Variants in PRELID2 observed in about 807,000 individuals in gnomAD.
PRELID2 encodes PRELI domain containing 2, also known as PRELI domain-containing protein 2.
A neutral mutation model predicts 28.4 loss-of-function variants in PRELID2; 25 were observed. The observed-to-expected ratio is 0.88, with a 90% confidence interval of 0.64 to 1.23. The LOEUF (loss-of-function observed/expected upper bound fraction) is 1.23, where lower values mean the gene tolerates loss of function less well. Ranked by LOEUF, PRELID2 falls within the 50% of genes most tolerant of loss-of-function variation. PRELID2 has a pLI of 0.00. For missense variants in PRELID2, 201 were observed against 214.4 expected (o/e 0.94, Z 0.39); for synonymous variants, 76 against 71.6 (o/e 1.06, Z -0.31).
the PRELID2 span, among the ~76,000 whole-genome samples, chr5:145,270,936 T>C: frequency 6.6e-6 from 1 of 152,076 alleles, no homozygotes; most frequent in Non-Finnish European, 1.5e-5. Flanking sequence ...TCCCCATGGC[T>C]GGGGGAGGCC....
intron 1 of PRELID2, among the ~76,000 whole-genome samples, chr5:145,615,514 G>C (rs1753685090): frequency 7.6e-6 from 1 of 131,202 alleles, no homozygotes; most frequent in Non-Finnish European, 1.6e-5. Flanking sequence ...TTTTAGTAGA[G>C]ACGGGGTTTC....
At chr5:145,486,446 T>A (rs1752217946) in intron 1 of PRELID2, among the ~76,000 whole-genome samples, 1 of 152,188 alleles carries the variant, frequency 6.6e-6, no homozygotes, top group Non-Finnish European at 1.5e-5. Flanking sequence ...TTTTTCAATG[T>A]AAAATAAAAT....
intron 1 of PRELID2, among the ~76,000 whole-genome samples, chr5:145,745,398 C>T (rs1228000370): frequency 6.6e-6 from 1 of 152,070 alleles, no homozygotes; most frequent in Non-Finnish European, 1.5e-5. Flanking sequence ...AACCTCAAGA[C>T]ACATAATTAT....
At chr5:145,304,115 T>C in the PRELID2 span, among the ~76,000 whole-genome samples, 37 of 152,182 alleles carry the variant, frequency 2.4e-4, 1 homozygote, top group Admixed American at 9.2e-4. Context: ...TTATATCGTT[T>C]ATAAAATATT....
intron 1 of PRELID2, among the ~76,000 whole-genome samples, chr5:145,695,061 C>T (rs543417161): frequency 4.6e-4 from 70 of 152,228 alleles, no homozygotes; most frequent in African/African-American, 1.7e-3. Flanking sequence ...ATGGGTCATG[C>T]CTTACTTTGC....
intron 1 of PRELID2, chr5:145,825,961 G>A: frequency 1.1e-6 from 1 of 918,538 alleles, no homozygotes; most frequent in Non-Finnish European, 1.3e-6. Flanking sequence ...GTTGAAAGAG[G>A]GAAGGCTTCT....
the PRELID2 span, among the ~76,000 whole-genome samples, chr5:145,452,667 C>A: frequency 6.6e-6 from 1 of 151,992 alleles, no homozygotes; most frequent in African/African-American, 2.4e-5. Flanking sequence ...ATCTTTTTAA[C>A]GGTGCTATTT....
the PRELID2 span, chr5:145,229,391 G>T: frequency 1.1e-5 from 8 of 747,818 alleles, no homozygotes; most frequent in East Asian, 2.1e-4. Flanking sequence ...CAGCTACAAG[G>T]CTGGAATCCT....
At chr5:145,336,000 G>C in the PRELID2 span, among the ~76,000 whole-genome samples, 2 of 152,182 alleles carry the variant, frequency 1.3e-5, no homozygotes, top group Non-Finnish European at 2.9e-5. Flanking sequence ...TTGTGGTTTT[G>C]ATTTGCATTT....
the PRELID2 span, among the ~76,000 whole-genome samples, chr5:145,415,746 T>G: frequency 6.6e-6 from 1 of 152,018 alleles, no homozygotes; most frequent in Non-Finnish European, 1.5e-5. Context: ...AACATATGTG[T>G]GCATGTGTCT....
chr5:145,572,433 T>C (rs946024948), intron 1 of PRELID2, among the ~76,000 whole-genome samples: 1 of 152,336 alleles, frequency 6.6e-6, no homozygotes, highest in Middle Eastern at 3.4e-3. Context: ...ATATCTCATA[T>C]AATCCTAACT....
At chr5:145,364,892 A>T in the PRELID2 span, among the ~76,000 whole-genome samples, 1 of 151,984 alleles carries the variant, frequency 6.6e-6, no homozygotes, top group African/African-American at 2.4e-5. Context: ...AAAATTCCCA[A>T]AAGGAAATAT....
the PRELID2 span, among the ~76,000 whole-genome samples, chr5:145,423,870 T>C: frequency 6.8e-6 from 1 of 145,994 alleles, no homozygotes; most frequent in Admixed American, 7.0e-5. Context: ...TGTGGTTTTA[T>C]CTACTTTTGG....
chr5:145,513,215 C>T (rs1293666023), intron 1 of PRELID2, among the ~76,000 whole-genome samples: 1 of 151,674 alleles, frequency 6.6e-6, no homozygotes, highest in Non-Finnish European at 1.5e-5. Flanking sequence ...TGTTCTAACC[C>T]AATGGAAGGA....
At chr5:145,667,907 A>G (rs1186657264) in intron 1 of PRELID2, among the ~76,000 whole-genome samples, 1 of 152,118 alleles carries the variant, frequency 6.6e-6, no homozygotes, top group Non-Finnish European at 1.5e-5. Flanking sequence ...TATTCAAAAG[A>G]AAGCACAATT....
At chr5:145,275,619 C>A in the PRELID2 span, among the ~76,000 whole-genome samples, 1 of 152,090 alleles carries the variant, frequency 6.6e-6, no homozygotes, top group Admixed American at 6.6e-5. Flanking sequence ...GGATGTCAGA[C>A]CATTTGGAGA....
At chr5:145,818,276 T>C (rs1581266263) in intron 3 of PRELID2, among the ~76,000 whole-genome samples, 1 of 152,186 alleles carries the variant, frequency 6.6e-6, no homozygotes, top group African/African-American at 2.4e-5. Flanking sequence ...ATGTAGGCTA[T>C]ACAGTCTCTG....
intron 1 of PRELID2, among the ~76,000 whole-genome samples, chr5:145,615,338 T>G (rs1398000476): frequency 8.9e-6 from 1 of 112,640 alleles, no homozygotes; most frequent in Non-Finnish European, 1.7e-5. Context: ...TTTTTTTTTT[T>G]TTTTTTTGAG....
intron 1 of PRELID2, among the ~76,000 whole-genome samples, chr5:145,740,736 T>C (rs1756665241): frequency 8.5e-6 from 1 of 117,138 alleles, no homozygotes. Context: ...TTAAATATTA[T>C]ATATAAATAT....
Sources: gnomAD v4.1 joint callset for allele counts (sites outside exome capture counted in the v4.1 genomes callset) on GRCh38, gnomAD v4.1.1 for gene constraint, MANE v1.5 for transcripts, NCBI Gene and HGNC (gene_info 2026-07-23, HGNC 2026-07-21) for gene names.